PFKP: variants seen among roughly 807,000 people sequenced by gnomAD.
PFKP encodes the protein phosphofructokinase, platelet, also known as ATP-dependent 6-phosphofructokinase, platelet type.
A neutral mutation model predicts 94.3 loss-of-function variants in PFKP; 101 were observed. That is an observed-to-expected ratio of 1.07 (90% confidence interval 0.91 to 1.26). The LOEUF (loss-of-function observed/expected upper bound fraction) is 1.26. Among genes scored for constraint, PFKP ranks in the 50% most tolerant of loss-of-function variants. The probability of loss-of-function intolerance (pLI) is 0.00; values close to 1 mark genes in which losing one functional copy is unlikely to be tolerated. For synonymous variants in PFKP, 573 were observed against 432.6 expected (o/e 1.32, Z -4.03); for missense variants, 1,145 against 1,103.3 (o/e 1.04, Z -0.53).
chr10:3,094,094 A>G (rs1834292516), intron 2 of PFKP, among the ~76,000 whole-genome samples: 1 of 152,108 alleles, frequency 6.6e-6, no homozygotes, highest in South Asian at 2.1e-4. Flanking sequence ...GCAGAAGAGC[A>G]CCATCTCCCT....
chr10:3,108,723 A>T lies in PFKP; in HGVS notation c.893A>T (p.Tyr298Phe). The change falls in exon 9 of 22, where the codon TAT (tyrosine) becomes TTT (phenylalanine). Residue 298 changes from tyrosine to phenylalanine, a missense_variant. Coordinates refer to ENST00000381125, the MANE Select transcript of PFKP (RefSeq NM_002627.5). ...CAGCTTGTCGTCACGCAGCTGGGCT[A>T]TGACACACGTGTGACCATCCTCGGG... ...IKELVVTQLG[Y>F]DTRVTILGHV... The T allele has an allele frequency of 1.2e-6, 2 of 1,613,900 alleles. No homozygotes were observed. Among genetic ancestry groups the T allele is most frequent in the Middle Eastern group, 1.7e-4 (1 of 6,060 alleles).
chr10:3,136,671 T>TAAAA lies in PFKP; in HGVS notation c.*92_*93insAAAA. The TAAAA allele has an allele frequency of 7.3e-7, 1 of 1,372,966 alleles. No individual in the cohort carries two copies. The highest frequency in any genetic ancestry group is 1.0e-6 in the Non-Finnish European group (1 of 989,260). The allele number at this position is 1,372,966 out of a possible 1,614,324, so 85.0% of individuals were successfully genotyped here. On this transcript the variant is annotated 3_prime_UTR_variant, in exon 22 of 22. Transcript: ENST00000381125. Reference sequence around the variant, plus strand: ...TTATCAGCACTTTATGCACGTATTATTGACATTAATACCTAATCGGCGAGT... The same window carrying TAAAA: ...TTATCAGCACTTTATGCACGTATTATAAAATGACATTAATACCTAATCGGCGAGT...
At position 3,112,991 on chromosome 10, in the gene PFKP, T is replaced by G. The variant is rs7082466; in HGVS notation, c.1155-128T>G. ...GCCATGCACATGGAACCCTGGGGCC[T>G]CCTCCTTCTGCCCAGATAGTCGGGC... On this transcript the variant is annotated intron_variant, in intron 11 of 21. Coordinates refer to ENST00000381125, the MANE Select transcript of PFKP (RefSeq NM_002627.5). The G allele has an allele frequency of 2.1e-3, 1,675 of 809,928 alleles. 19 individuals carry two copies. The African/African-American group carries it at 0.025, about 12-fold the overall frequency. 50.2% of individuals were successfully genotyped at this position (809,928 alleles called of 1,614,324 possible).
chr10:3,102,127 T>C (rs922139577), intron 4 of PFKP, among the ~76,000 whole-genome samples: 8 of 148,400 alleles, frequency 5.4e-5, no homozygotes, highest in African/African-American at 2.0e-4. Context: ...GGCGGGCGCC[T>C]GTAGTCCCAG....
chr10:3,081,541 G>C (rs545544742), intron 1 of PFKP, among the ~76,000 whole-genome samples: 1 of 152,342 alleles, frequency 6.6e-6, no homozygotes, highest in South Asian at 2.1e-4. Flanking sequence ...GCGCTGCATG[G>C]CTGTGGGTGC....
In PFKP at chr10:3,135,731, T is replaced by C. The variant is rs1193740822; in HGVS notation, c.2123-5T>C. 13 of 1,589,518 alleles carry C rather than the reference T, an allele frequency of 8.2e-6. No individual in the cohort carries two copies. The highest frequency in any genetic ancestry group is 1.7e-5 in the Admixed American group (1 of 59,334). On this transcript the variant is annotated splice_polypyrimidine_tract_variant and splice_region_variant and intron_variant, in intron 20 of 21. Coordinates refer to ENST00000381125, the MANE Select transcript of PFKP (RefSeq NM_002627.5). Reference sequence around the variant, plus strand: ...GTTATTAATCTTTTTTAAAATCTTTTATAGGAAAAAAATTTACCACCGATG... The same window carrying C: ...GTTATTAATCTTTTTTAAAATCTTTCATAGGAAAAAAATTTACCACCGATG...
At chr10:3,117,961 ACAAGTACTT>A (rs1837000670) in intron 14 of PFKP, among the ~76,000 whole-genome samples, 3 of 152,176 alleles carry the variant, frequency 2.0e-5, no homozygotes, top group Non-Finnish European at 4.4e-5. Flanking sequence ...TACCAAGAGT[ACAAGTACTT>A]CACTTCTTCC....
intron 13 of PFKP, among the ~76,000 whole-genome samples, chr10:3,116,101 GA>G (rs11419779): frequency 2.0e-5 from 3 of 150,928 alleles, no homozygotes; most frequent in Non-Finnish European, 4.4e-5. Context: ...ATTTATGTGG[GA>G]AAAAAAAGCC....
chr10:3,123,178 C>T (rs1837597014), intron 16 of PFKP, among the ~76,000 whole-genome samples: 1 of 152,190 alleles, frequency 6.6e-6, no homozygotes, highest in Non-Finnish European at 1.5e-5. Flanking sequence ...GATACGGCTG[C>T]AGGGAGTTTC....
chr10:3,097,077 C>CAAAAAAAAAA lies in PFKP; in HGVS notation c.187-2191_187-2190insAAAAAAAAAA, dbSNP rs149491756. ...TGGGTGACACAGCGAGACTCCGTCTCAAAAAAACAAAAAACAAAAAAACCT... is the reference window on the plus strand; with the variant it reads ...TGGGTGACACAGCGAGACTCCGTCTCAAAAAAAAAAAAAAAAACAAAAAACAAAAAAACCT... On this transcript the variant is annotated intron_variant, in intron 2 of 21. Transcript: ENST00000381125. 3.7e-4 allele frequency among the ~76,000 whole-genome samples: 36 copies of CAAAAAAAAAA among 98,388 alleles called. 3 individuals are homozygous for CAAAAAAAAAA. Among genetic ancestry groups the CAAAAAAAAAA allele is most frequent in the Admixed American group, 1.8e-3 (19 of 10,346 alleles). 64.5% of individuals were successfully genotyped at this position (98,388 alleles called of 152,430 possible).
rs778206017 is a variant in PFKP at position 3,135,739 on chromosome 10, A to G, written c.2126A>G (p.Lys709Arg). ...AKLKEARGRG[K>R]KFTTDDSICV... is the part of the protein sequence containing the mutation. Reference sequence around the variant, plus strand: ...TCTTTTTTAAAATCTTTTATAGGAAAAAAATTTACCACCGATGATTCCATT... The same window carrying G: ...TCTTTTTTAAAATCTTTTATAGGAAGAAAATTTACCACCGATGATTCCATT... Residue 709 changes from lysine (K) to arginine (R), a missense_variant, in exon 21 of 22, where the codon AAA becomes AGA. Coordinates refer to ENST00000381125, the MANE Select transcript of PFKP (RefSeq NM_002627.5). The G allele has an allele frequency of 3.2e-5, 51 of 1,604,330 alleles. No homozygotes were observed. Among genetic ancestry groups the G allele is most frequent in the Non-Finnish European group, 4.3e-5 (50 of 1,172,568 alleles).
intron 3 of PFKP, among the ~76,000 whole-genome samples, chr10:3,099,620 C>T (rs563257157): frequency 3.3e-4 from 51 of 152,304 alleles, no homozygotes; most frequent in South Asian, 8.3e-4. Context: ...TCGTGCTGGT[C>T]CAGGCTCTCT....
chr10:3,111,377 T>C (rs1220169822), intron 10 of PFKP, among the ~76,000 whole-genome samples: 1 of 151,850 alleles, frequency 6.6e-6, no homozygotes, highest in Non-Finnish European at 1.5e-5. Context: ...CCTGTGTGCA[T>C]GTGAGAGGCA....
intron 9 of PFKP, among the ~76,000 whole-genome samples, chr10:3,109,056 C>G (rs1835903520): frequency 8.9e-6 from 1 of 112,634 alleles, no homozygotes; most frequent in African/African-American, 3.5e-5. Flanking sequence ...GGCACAATCC[C>G]AGGGCAGAAA....
At chr10:3,100,572 C>A (rs1202056123) in intron 3 of PFKP, among the ~76,000 whole-genome samples, 1 of 152,130 alleles carries the variant, frequency 6.6e-6, no homozygotes, top group Admixed American at 6.5e-5. Context: ...TGCCTGCAGA[C>A]CGAAGGCAGG....
intron 1 of PFKP, among the ~76,000 whole-genome samples, chr10:3,075,465 C>G (rs1352741432): frequency 1.3e-5 from 2 of 151,338 alleles, no homozygotes; most frequent in Non-Finnish European, 2.9e-5. Flanking sequence ...GGGCAGTTTG[C>G]AAATCCAGGC....
chr10:3,086,623 G>A (rs964676963), intron 2 of PFKP, among the ~76,000 whole-genome samples: 22 of 152,134 alleles, frequency 1.4e-4, no homozygotes, highest in Admixed American at 1.4e-3. Flanking sequence ...AATGTTGGTA[G>A]AAACAAGGCC....
Position 3,114,155 on chromosome 10 carries a change from C to CTTT in PFKP, c.1371+647_1371+649dup, listed in dbSNP as rs72054829. On this transcript the variant is annotated intron_variant, in intron 13 of 21. Transcript: ENST00000381125. ...CAACAAATACCTACTTTGTGAAATT[C>CTTT]TTTTTTTTTTTTGAGACGAAGTCTC... Among the ~76,000 whole-genome samples the CTTT allele has an allele frequency of 1.8e-3, 264 of 147,618 alleles. 1 individual carries two copies. The highest frequency in any genetic ancestry group is 5.2e-3 in the South Asian group (24 of 4,610).
At chr10:3,105,067 T>C in intron 5 of PFKP, 48 bp from the exon 6 acceptor site, 1 of 1,586,786 alleles carries the variant, frequency 6.3e-7, no homozygotes, top group Non-Finnish European at 8.7e-7. Flanking sequence ...TCCCTCTGTT[T>C]CTCTGCTTTC....
Sources: gnomAD v4.1 joint callset for allele counts (sites outside exome capture counted in the v4.1 genomes callset) on GRCh38, gnomAD v4.1.1 for gene constraint, MANE v1.5 for transcripts, NCBI Gene and HGNC (gene_info 2026-07-23, HGNC 2026-07-21) for gene names.